The following DPYSL5 variants were observed in gnomAD, a reference collection of about 807,000 sequenced individuals.
The protein encoded by DPYSL5 is dihydropyrimidinase like 5, also known as dihydropyrimidinase-related protein 5.
Under a neutral mutation model 58.4 loss-of-function variants are expected in DPYSL5, and 9 were observed. That is an observed-to-expected ratio of 0.15 (90% confidence interval 0.09 to 0.27). The LOEUF is 0.27. Ranked by LOEUF, DPYSL5 falls within the 10% of genes least tolerant of loss-of-function variation. The pLI, the probability that DPYSL5 is intolerant of heterozygous loss-of-function variation, is 1.00. For synonymous variants in DPYSL5, 293 were observed against 301.9 expected (o/e 0.97, Z 0.31); for missense variants, 499 against 770.6 (o/e 0.65, Z 4.17).
At position 26,950,181 on chromosome 2, in the gene DPYSL5, C is replaced by T. The variant is rs1444535703; in HGVS notation, c.*3186C>T. On this transcript the variant is annotated 3_prime_UTR_variant, in exon 13 of 13. Coordinates refer to ENST00000288699, the MANE Select transcript of DPYSL5 (RefSeq NM_020134.4). The surrounding 1 kb of genome is among the most constrained non-coding windows in gnomAD (Gnocchi z 5.3). ...GGGGTCGGATGGAGCCTCCAGCACCCCAGCACCCAGGTGACTTCCCCACTC... is the reference window on the plus strand; with the variant it reads ...GGGGTCGGATGGAGCCTCCAGCACCTCAGCACCCAGGTGACTTCCCCACTC... 1.3e-5 allele frequency: 2 copies of T among 152,274 alleles called. No individual in the cohort carries two copies. Among genetic ancestry groups the T allele is most frequent in the Admixed American group, 1.3e-4 (2 of 15,284 alleles). The allele number at this position is 152,274 out of a possible 1,614,324, so 9.4% of individuals were successfully genotyped here. A position where few individuals can be genotyped will look rare whatever the true frequency, so the allele number is the denominator to read the frequency against.
intron 1 of DPYSL5, among the ~76,000 whole-genome samples, chr2:26,893,815 G>A (rs1663947547): frequency 6.6e-6 from 1 of 152,110 alleles, no homozygotes; most frequent in South Asian, 2.1e-4. Flanking sequence ...TTTCAGAAGA[G>A]GGGACAATTG....
chr2:26,894,683 T>G (rs1247423375), intron 1 of DPYSL5, among the ~76,000 whole-genome samples: 1 of 152,202 alleles, frequency 6.6e-6, no homozygotes, highest in Non-Finnish European at 1.5e-5. Context: ...TGAAAAATAT[T>G]AGTCCTAAAA....
At chr2:26,917,544 G>A (rs182872723) in intron 2 of DPYSL5, among the ~76,000 whole-genome samples, 1 of 152,040 alleles carries the variant, frequency 6.6e-6, no homozygotes, top group Admixed American at 6.6e-5. Flanking sequence ...GTGTGGGGTT[G>A]GGGGGTGGTG....
rs1004871303 is a variant in DPYSL5 at position 26,905,745 on chromosome 2, A to G, written c.261+6985A>G. The stretch of plus-strand genomic sequence containing the variant: ...TGGAGGACATCCCTCTACCCCCTCC[A>G]TCGGTACTTAGTCTGCTTGTAGAGG... On this transcript the variant is annotated intron_variant, in intron 2 of 12. Transcript: ENST00000288699. This position sits in a 1 kb window ranked among gnomAD's most constrained non-coding sequence, Gnocchi z 4.0. Among the ~76,000 whole-genome samples, 4 of 152,164 alleles carry G rather than the reference A, an allele frequency of 2.6e-5. No individual in the cohort carries two copies. The highest frequency in any genetic ancestry group is 5.9e-5 in the Non-Finnish European group (4 of 68,024).
rs562787337 is a variant in DPYSL5 at position 26,861,339 on chromosome 2, C to A, written c.-5+13085C>A. Among the ~76,000 whole-genome samples, 4 of 152,288 alleles carry A rather than the reference C, an allele frequency of 2.6e-5. No individual in the cohort carries two copies. In the East Asian group the frequency reaches 7.7e-4, roughly 29 times the overall value. On this transcript the variant is annotated intron_variant, in intron 1 of 12. Transcript: ENST00000288699. ...ACTGTAGGACACAGAAGATGAGAAG[C>A]ACTAACTGGGCATTGTGAACCTTCC... is the stretch of plus-strand genomic sequence containing the variant.
chr2:26,878,324 T>A (rs1663464525), intron 1 of DPYSL5, among the ~76,000 whole-genome samples: 1 of 152,220 alleles, frequency 6.6e-6, no homozygotes, highest in Admixed American at 6.5e-5. Flanking sequence ...TCTTATCCTT[T>A]GCCTATTTTT....
At chr2:26,879,303 C>T (rs1663492786) in intron 1 of DPYSL5, among the ~76,000 whole-genome samples, 1 of 151,844 alleles carries the variant, frequency 6.6e-6, no homozygotes, top group Admixed American at 6.6e-5. Context: ...GAGAAGTTTC[C>T]TGGACATTCA....
intron 1 of DPYSL5, among the ~76,000 whole-genome samples, chr2:26,865,759 T>A (rs1273505502): frequency 6.6e-6 from 1 of 152,142 alleles, no homozygotes; most frequent in Non-Finnish European, 1.5e-5. Flanking sequence ...GCTCATGGCT[T>A]TTTTGTGTGT....
In DPYSL5 at chr2:26,933,026, G is replaced by A. The variant is rs968128657; in HGVS notation, c.715-232G>A. On this transcript the variant is annotated intron_variant, in intron 6 of 12. Coordinates refer to ENST00000288699, the MANE Select transcript of DPYSL5 (RefSeq NM_020134.4). The surrounding 1 kb of genome is among the most constrained non-coding windows in gnomAD (Gnocchi z 4.2). ...TTGAACTTCACAGGCTGGGCTTCCCGGTGGGCTCTGGTGCTGGAGGCTGTT... is the reference window on the plus strand; with the variant it reads ...TTGAACTTCACAGGCTGGGCTTCCCAGTGGGCTCTGGTGCTGGAGGCTGTT... Among the ~76,000 whole-genome samples the A allele has an allele frequency of 3.9e-5, 6 of 152,286 alleles. No homozygotes were observed. Among genetic ancestry groups the A allele is most frequent in the Admixed American group, 6.5e-5 (1 of 15,294 alleles).
At chr2:26,866,349 T>A (rs1342014308) in intron 1 of DPYSL5, among the ~76,000 whole-genome samples, 1 of 152,118 alleles carries the variant, frequency 6.6e-6, no homozygotes, top group Non-Finnish European at 1.5e-5. Context: ...ACAATACATA[T>A]TCACTGTGGA....
chr2:26,941,820 G>C, intron 9 of DPYSL5, 130 bp from the exon 10 acceptor site: 2 of 1,242,020 alleles, frequency 1.6e-6, no homozygotes, highest in African/African-American at 1.5e-5. Context: ...GGTGCTCATG[G>C]CCTTGTCCCT....
chr2:26,913,107 T>C (rs76203980), intron 2 of DPYSL5, among the ~76,000 whole-genome samples: 1,668 of 152,316 alleles, frequency 0.011, 27 homozygotes, highest in African/African-American at 0.037. Flanking sequence ...AATTTACCGT[T>C]TTGACTGTTT....
intron 2 of DPYSL5, among the ~76,000 whole-genome samples, chr2:26,922,872 GCAGGTGCCACAGAA>G (rs1373460093): frequency 2.0e-5 from 3 of 152,188 alleles, no homozygotes; most frequent in Non-Finnish European, 4.4e-5. Flanking sequence ...CACAGCTCCT[GCAGGTGCCACAGAA>G]CTACCACCCT....
chr2:26,896,341 C>G (rs1664020251), intron 1 of DPYSL5, among the ~76,000 whole-genome samples: 2 of 152,152 alleles, frequency 1.3e-5, no homozygotes, highest in African/African-American at 4.8e-5. Flanking sequence ...AATGCTGCAG[C>G]AAACAAGGAA....
At chr2:26,932,178 A>AGAAG (rs1665034914) in intron 6 of DPYSL5, among the ~76,000 whole-genome samples, 1 of 74,072 alleles carries the variant, frequency 1.4e-5, no homozygotes, top group Admixed American at 1.2e-4. Context: ...AAAGAAAGAA[A>AGAAG]GAAAGAAAGA....
chr2:26,851,670 C>T (rs1214454399), intron 1 of DPYSL5, among the ~76,000 whole-genome samples: 2 of 152,188 alleles, frequency 1.3e-5, no homozygotes, highest in Non-Finnish European at 2.9e-5. Context: ...TGGCCAGGCA[C>T]AGTGGATCAC....
At position 26,849,619 on chromosome 2, in the gene DPYSL5, C is replaced by A. The variant is rs1303919388; in HGVS notation, c.-5+1365C>A. 6.6e-6 allele frequency among the ~76,000 whole-genome samples: 1 copy of A among 152,238 alleles called. No individual in the cohort carries two copies. ...CGAGGAGCTGAAAGGCTTTGCCCAG[C>A]AGCAGGTGCTGCCAGGGAGGCGGAT... On this transcript the variant is annotated intron_variant, in intron 1 of 12. Transcript: ENST00000288699. The surrounding 1 kb of genome is among the most constrained non-coding windows in gnomAD (Gnocchi z 6.2).
chr2:26,928,256 G>T lies in DPYSL5; in HGVS notation c.602G>T (p.Gly201Val). The change falls in exon 5 of 13, where the codon GGT (glycine) becomes GTT (valine). Residue 201 changes from glycine (G) to valine (V), a missense_variant and splice_region_variant. Around this residue, in one of 3 missense-constraint regions of DPYSL5, gnomAD observed 404 missense variants for 647.6 expected, o/e 0.62. Transcript: ENST00000288699. ...HAENGELVAE[G>V]AKEALDLGIT... ...TTTCTTTCTCTTGCTGTTATCCAGG[G>T]TGCTAAGGAGGCACTGGATTTGGGG... 6.2e-7 allele frequency: 1 copy of T among 1,613,870 alleles called. No homozygotes were observed. Among genetic ancestry groups the T allele is most frequent in the Non-Finnish European group, 8.5e-7 (1 of 1,179,898 alleles).
chr2:26,853,744 AG>A (rs1359720305), intron 1 of DPYSL5, among the ~76,000 whole-genome samples: 3 of 152,194 alleles, frequency 2.0e-5, no homozygotes, highest in African/African-American at 4.8e-5. Flanking sequence ...CTTCTTTCTC[AG>A]GGAAAACTCA....
Sources: allele counts gnomAD v4.1 joint callset (sites outside exome capture counted in the v4.1 genomes callset), GRCh38; gene constraint gnomAD v4.1.1; regional missense constraint gnomAD v4.1.1; non-coding constraint Gnocchi (gnomAD v3.1); transcripts MANE v1.5; gene names NCBI Gene and HGNC (gene_info 2026-07-23, HGNC 2026-07-21).